Variants in ELAVL3 observed in about 807,000 individuals in gnomAD.
ELAVL3 encodes the protein ELAV like RNA binding protein 3.
Under a neutral mutation model 34.2 loss-of-function variants are expected in ELAVL3, and 8 were observed. The observed-to-expected ratio is 0.23, with a 90% CI of 0.14 to 0.42. ELAVL3 has a LOEUF of 0.42. ELAVL3 is among the 10% of genes least tolerant of loss of function. The pLI is 1.00. For synonymous variants in ELAVL3, 209 were observed against 222.1 expected (o/e 0.94, Z 0.53); for missense variants, 273 against 518.8 (o/e 0.53, Z 4.60).
At chr19:11,469,559 C>T (rs909554659) in intron 1 of ELAVL3, among the ~76,000 whole-genome samples, 10 of 152,296 alleles carry the variant, frequency 6.6e-5, no homozygotes, top group African/African-American at 2.4e-4. Flanking sequence ...GGATTACAGG[C>T]GTGAGCCACC....
chr19:11,456,053 T>C (rs922260165), intron 6 of ELAVL3, among the ~76,000 whole-genome samples: 2 of 151,966 alleles, frequency 1.3e-5, no homozygotes, highest in Non-Finnish European at 2.9e-5. Context: ...TGTGTGGATG[T>C]TGCCTCAGAT....
Position 11,458,215 on chromosome 19 carries a change from T to G in ELAVL3, c.559A>C (p.Asn187His). 6.2e-7 allele frequency: 1 copy of G among 1,614,138 alleles called. No homozygotes were observed. Among genetic ancestry groups the G allele is most frequent in the Non-Finnish European group, 8.5e-7 (1 of 1,180,040 alleles). ...GCTGCGCCCAGCGGCTTCTGCCCAT[T>G]CAGTCCTTTGATAGCCTCTTCGGCC... ...IEAEEAIKGL[N>H]GQKPLGAAEP... The change falls in exon 5 of 7, where the codon AAT (asparagine) becomes CAT (histidine). Residue 187 changes from asparagine to histidine, a missense_variant. Physicochemically the swap from Asn to His is moderately conservative, Grantham distance 68. Around this residue, in one of 4 missense-constraint regions of ELAVL3, gnomAD observed 102 missense variants for 250.1 expected, o/e 0.41. Coordinates refer to ENST00000359227, the MANE Select transcript of ELAVL3 (RefSeq NM_001420.4). The surrounding 1 kb of genome is among the most constrained non-coding windows in gnomAD (Gnocchi z 7.3).
chr19:11,455,560 T>C (rs1214541555), intron 6 of ELAVL3, among the ~76,000 whole-genome samples: 1 of 152,072 alleles, frequency 6.6e-6, no homozygotes, highest in Non-Finnish European at 1.5e-5. Context: ...GTGCTGGGAT[T>C]ACAGGCATGA....
At chr19:11,471,916 C>G (rs529837719) in intron 1 of ELAVL3, among the ~76,000 whole-genome samples, 93 of 152,342 alleles carry the variant, frequency 6.1e-4, no homozygotes, top group African/African-American at 2.2e-3. Context: ...TTTAAAGCCA[C>G]TTCAGAAATC....
chr19:11,461,738 T>G (rs1970890053), intron 3 of ELAVL3, among the ~76,000 whole-genome samples: 1 of 152,080 alleles, frequency 6.6e-6, no homozygotes, highest in African/African-American at 2.4e-5. Context: ...GTGCTGGGAC[T>G]ACAGGTGTGA....
intron 3 of ELAVL3, among the ~76,000 whole-genome samples, chr19:11,464,725 TCAC>T (rs1970982012): frequency 4.6e-5 from 2 of 43,062 alleles, no homozygotes; most frequent in Non-Finnish European, 4.5e-5. Flanking sequence ...CACACACACA[TCAC>T]ACACACACCA....
At chr19:11,474,610 A>C (rs754430863) in intron 1 of ELAVL3, among the ~76,000 whole-genome samples, 17 of 151,368 alleles carry the variant, frequency 1.1e-4, no homozygotes, top group Non-Finnish European at 1.9e-4. Context: ...CAAAAAAAAA[A>C]AGAATTCAGT....
intron 3 of ELAVL3, among the ~76,000 whole-genome samples, chr19:11,460,139 A>G (rs1231765747): frequency 6.6e-6 from 1 of 151,934 alleles, no homozygotes; most frequent in Admixed American, 6.6e-5. Context: ...CTGTCCTCCT[A>G]AGTGCTCATG....
chr19:11,470,956 C>T (rs1020018550), intron 1 of ELAVL3, among the ~76,000 whole-genome samples: 1 of 152,162 alleles, frequency 6.6e-6, no homozygotes, highest in Non-Finnish European at 1.5e-5. Context: ...AGCATTCTTC[C>T]TGCCTCAGTC....
intron 1 of ELAVL3, among the ~76,000 whole-genome samples, chr19:11,478,509 G>T (rs1971305798): frequency 6.6e-6 from 1 of 152,094 alleles, no homozygotes. Context: ...ACAGAGATGG[G>T]GGGGTGGCAA....
chr19:11,463,146 A>G (rs170172), intron 3 of ELAVL3, among the ~76,000 whole-genome samples: 13,141 of 152,098 alleles, frequency 0.086, 836 homozygotes, highest in African/African-American at 0.17. Context: ...ACCGTCTGAG[A>G]CACAGAGGAG....
chr19:11,464,607 A>G (rs1160798937), intron 3 of ELAVL3, among the ~76,000 whole-genome samples: 1 of 143,360 alleles, frequency 7.0e-6, no homozygotes, highest in Non-Finnish European at 1.5e-5. Context: ...ACACACATAC[A>G]CCACACACAC....
At position 11,458,743 on chromosome 19, in the gene ELAVL3, G is replaced by T; in HGVS notation, c.334-132C>A. 1 of 1,234,562 alleles carries T rather than the reference G, an allele frequency of 8.1e-7. No homozygotes were observed. The highest frequency in any genetic ancestry group is 2.4e-5 in the East Asian group (1 of 41,500). The allele number at this position is 1,234,562 out of a possible 1,614,324, so 76.5% of individuals were successfully genotyped here. Reference sequence around the variant, plus strand: ...CCGTCACTCAATAAGTATCTCTAGAGTTGTCACCGTGGGGTGGGGCTGAGT... The same window carrying T: ...CCGTCACTCAATAAGTATCTCTAGATTTGTCACCGTGGGGTGGGGCTGAGT... On this transcript the variant is annotated intron_variant, in intron 3 of 6. Coordinates refer to ENST00000359227, the MANE Select transcript of ELAVL3 (RefSeq NM_001420.4). This position sits in a 1 kb window ranked among gnomAD's most constrained non-coding sequence, Gnocchi z 7.3.
At chr19:11,469,082 G>A (rs760883061) in intron 1 of ELAVL3, among the ~76,000 whole-genome samples, 17 of 151,918 alleles carry the variant, frequency 1.1e-4, no homozygotes, top group Non-Finnish European at 2.2e-4. Flanking sequence ...TCCAAGCCTG[G>A]CTACTTTTTT....
At chr19:11,475,025 T>G (rs904628692) in intron 1 of ELAVL3, among the ~76,000 whole-genome samples, 2 of 152,132 alleles carry the variant, frequency 1.3e-5, no homozygotes, top group Non-Finnish European at 2.9e-5. Context: ...AGATGGGGTT[T>G]CACCGTTAGC....
chr19:11,471,100 C>T (rs188754943), intron 1 of ELAVL3, among the ~76,000 whole-genome samples: 16 of 151,312 alleles, frequency 1.1e-4, no homozygotes, highest in African/African-American at 3.9e-4. Context: ...ATCACGAGGT[C>T]AGAGTTTGAG....
chr19:11,464,959 ACG>A (rs1310215242), intron 3 of ELAVL3, among the ~76,000 whole-genome samples: 2 of 122,822 alleles, frequency 1.6e-5, no homozygotes, highest in African/African-American at 6.9e-5. Context: ...CACCACACAC[ACG>A]CACCAGACAC....
intron 3 of ELAVL3, among the ~76,000 whole-genome samples, chr19:11,464,131 C>CTCTGTCTT: frequency 9.9e-6 from 1 of 101,154 alleles, no homozygotes; most frequent in African/African-American, 5.3e-5. Context: ...CTGTCTCTCT[C>CTCTGTCTT]TCTCTCTCTC....
chr19:11,478,418 C>T, intron 1 of ELAVL3, among the ~76,000 whole-genome samples: 1 of 152,156 alleles, frequency 6.6e-6, no homozygotes, highest in East Asian at 1.9e-4. Flanking sequence ...GCCACACCCG[C>T]CCTGCCCCAG....
Sources: gnomAD v4.1 joint callset for allele counts (sites outside exome capture counted in the v4.1 genomes callset) on GRCh38, gnomAD v4.1.1 for gene constraint, gnomAD v4.1.1 regional missense constraint, Gnocchi (gnomAD v3.1) non-coding constraint, MANE v1.5 for transcripts, NCBI Gene and HGNC (gene_info 2026-07-23, HGNC 2026-07-21) for gene names.